The following KIF16B variants were observed in gnomAD, a reference collection of about 807,000 sequenced individuals.
KIF16B encodes the protein kinesin-like protein KIF16B.
In KIF16B, 98 loss-of-function variants were observed where a neutral mutation model predicts 156.3. The observed-to-expected ratio is 0.63, with a 90% CI of 0.53 to 0.74. The LOEUF is 0.74. KIF16B is among the 30% of genes least tolerant of loss of function. The pLI is 0.00. For synonymous variants in KIF16B, 564 were observed against 583.7 expected (o/e 0.97, Z 0.49); for missense variants, 1,421 against 1,606.5 (o/e 0.88, Z 1.97).
chr20:16,442,600 A>G (rs2066833119), intron 12 of KIF16B, among the ~76,000 whole-genome samples: 1 of 152,078 alleles, frequency 6.6e-6, no homozygotes, highest in South Asian at 2.1e-4. Flanking sequence ...AGAAAATAAA[A>G]TATTAAAGCC....
At chr20:16,311,033 T>C (rs890308719) in intron 25 of KIF16B, among the ~76,000 whole-genome samples, 8 of 152,244 alleles carry the variant, frequency 5.3e-5, no homozygotes, top group African/African-American at 1.2e-4. Flanking sequence ...CCTTGTTCAG[T>C]GGCATTAAGT....
At position 16,296,563 on chromosome 20, in the gene KIF16B, T is replaced by G. The variant is rs149729979; in HGVS notation, c.3795+15772A>C. Among the ~76,000 whole-genome samples, 247 of 152,328 alleles carry G rather than the reference T, an allele frequency of 1.6e-3. No individual in the cohort carries two copies. The Middle Eastern group carries it at 0.02, about 13-fold the overall frequency. ...CAGGAAAGAGTTGGAGAATCCCTGT[T>G]ATGTATTTGCCAAGCCTCAAACACC... On this transcript the variant is annotated intron_variant, in intron 25 of 25. Transcript: ENST00000354981.
chr20:16,303,893 T>G (rs1350292632), intron 25 of KIF16B, among the ~76,000 whole-genome samples: 2 of 152,154 alleles, frequency 1.3e-5, no homozygotes. Context: ...ACATTTGAGC[T>G]GAGGGAAGTA....
At position 16,421,754 on chromosome 20, in the gene KIF16B, C is replaced by T. The variant is rs143415221; in HGVS notation, c.1612+5350G>A. ...GCTAATGACATTTACATTCACTGCA[C>T]AGCGTTTTAACACCTTCAAACATAG... On this transcript the variant is annotated intron_variant, in intron 15 of 25. Transcript: ENST00000354981. Among the ~76,000 whole-genome samples the T allele has an allele frequency of 7.1e-3, 1,085 of 152,232 alleles. 11 individuals carry two copies. The highest frequency in any genetic ancestry group is 0.024 in the African/African-American group (1,013 of 41,538).
At chr20:16,276,651 C>G (rs2063065808) in intron 25 of KIF16B, among the ~76,000 whole-genome samples, 1 of 151,868 alleles carries the variant, frequency 6.6e-6, no homozygotes, top group Non-Finnish European at 1.5e-5. Context: ...TGTCCAGAGC[C>G]ACATGCTTCA....
At chr20:16,532,068 C>CAA (rs34843252) in intron 1 of KIF16B, among the ~76,000 whole-genome samples, 11,154 of 99,146 alleles carry the variant, frequency 0.11, 677 homozygotes, top group South Asian at 0.18. Flanking sequence ...AACTCCGTCT[C>CAA]AAAAAAAAAA....
At chr20:16,516,174 G>A (rs6111166) in intron 3 of KIF16B, among the ~76,000 whole-genome samples, 3,744 of 152,206 alleles carry the variant, frequency 0.025, 144 homozygotes, top group African/African-American at 0.086. Flanking sequence ...AGTGACGGGT[G>A]GCTGTAGATG....
Position 16,379,827 on chromosome 20 carries a change from C to A in KIF16B, c.2175G>T (p.Gln725His), listed in dbSNP as rs770330748. Residue 725 changes from glutamine to histidine, a missense_variant, in exon 19 of 26, where the codon CAG becomes CAT. Physicochemically the swap from Gln to His is conservative, Grantham distance 24. Transcript: ENST00000354981. ...GGAGCTGGTCCAGTTCTTGAAATAT[C>A]TGAAACTTCTCAGCCTTCTCGTTGT... ...LNNNEKAEKF[Q>H]IFQELDQLQK... 1 of 1,614,236 alleles carries A rather than the reference C, an allele frequency of 6.2e-7. No homozygotes were observed. The highest frequency in any genetic ancestry group is 8.5e-7 in the Non-Finnish European group (1 of 1,180,054).
intron 12 of KIF16B, among the ~76,000 whole-genome samples, chr20:16,437,551 T>C (rs2066675370): frequency 6.6e-6 from 1 of 152,194 alleles, no homozygotes; most frequent in Admixed American, 6.5e-5. Context: ...GACAGGTATG[T>C]GGATTCTATG....
chr20:16,527,346 G>C (rs1323250495), intron 2 of KIF16B, among the ~76,000 whole-genome samples: 2 of 152,158 alleles, frequency 1.3e-5, no homozygotes, highest in Admixed American at 1.3e-4. Flanking sequence ...GCATTTCCCA[G>C]CTTCTACCAT....
intron 12 of KIF16B, among the ~76,000 whole-genome samples, chr20:16,442,216 G>A (rs1051927562): frequency 1.3e-5 from 2 of 152,074 alleles, no homozygotes; most frequent in Admixed American, 1.3e-4. Flanking sequence ...TATACTTAAT[G>A]ATGATATATT....
At chr20:16,310,659 G>T (rs1441767237) in intron 25 of KIF16B, among the ~76,000 whole-genome samples, 2 of 152,146 alleles carry the variant, frequency 1.3e-5, no homozygotes. Context: ...ATCATCCCTA[G>T]TTCTACTGTA....
chr20:16,554,951 C>T (rs534347338), intron 1 of KIF16B, among the ~76,000 whole-genome samples: 154 of 152,352 alleles, frequency 1.0e-3, no homozygotes, highest in African/African-American at 3.5e-3. Context: ...ACCCCACACT[C>T]GCTCACACAC....
At chr20:16,558,688 G>C (rs2070943844) in intron 1 of KIF16B, among the ~76,000 whole-genome samples, 2 of 152,312 alleles carry the variant, frequency 1.3e-5, no homozygotes, top group East Asian at 1.9e-4. Flanking sequence ...GGATTCACTT[G>C]AGGCCAGGAG....
At chr20:16,462,325 C>G (rs1437518386) in intron 12 of KIF16B, among the ~76,000 whole-genome samples, 1 of 152,180 alleles carries the variant, frequency 6.6e-6, no homozygotes, top group Non-Finnish European at 1.5e-5. Context: ...GCAATCCTCA[C>G]CCGGTTCTCT....
chr20:16,273,001 T>G lies in KIF16B; in HGVS notation c.*252A>C, dbSNP rs1055814582. On this transcript the variant is annotated 3_prime_UTR_variant, in exon 26 of 26. Coordinates refer to ENST00000354981, the MANE Select transcript of KIF16B (RefSeq NM_024704.5). The stretch of plus-strand genomic sequence containing the variant: ...GCTGCGCAGTGAGAAGGAAGCACTG[T>G]GGGAAAAGGCCACGTTCAACCGCAA... The G allele has an allele frequency of 2.3e-6, 1 of 439,016 alleles. No individual in the cohort carries two copies. The highest frequency in any genetic ancestry group is 2.0e-5 in the African/African-American group (1 of 50,024). The allele number at this position is 439,016 out of a possible 1,614,324, so 27.2% of individuals were successfully genotyped here. A position where few individuals can be genotyped will look rare whatever the true frequency, so the allele number is the denominator to read the frequency against.
chr20:16,513,735 C>T (rs1320304030), intron 4 of KIF16B, among the ~76,000 whole-genome samples: 3 of 150,784 alleles, frequency 2.0e-5, no homozygotes, highest in African/African-American at 7.3e-5. Flanking sequence ...TGGCCTTCCT[C>T]GATGGAAAAT....
At chr20:16,470,551 C>T (rs961524514) in intron 12 of KIF16B, among the ~76,000 whole-genome samples, 1 of 152,062 alleles carries the variant, frequency 6.6e-6, no homozygotes, top group African/African-American at 2.4e-5. Context: ...TGGTTGATCA[C>T]AGCTCACTGC....
chr20:16,434,785 T>C (rs927967997), intron 12 of KIF16B, among the ~76,000 whole-genome samples: 12 of 152,164 alleles, frequency 7.9e-5, no homozygotes, highest in African/African-American at 2.4e-5. Flanking sequence ...TGTGAAAATT[T>C]ATGTTACAGA....
Sources: gnomAD v4.1 joint callset for allele counts (sites outside exome capture counted in the v4.1 genomes callset) on GRCh38, gnomAD v4.1.1 for gene constraint, MANE v1.5 for transcripts, NCBI Gene and HGNC (gene_info 2026-07-23, HGNC 2026-07-21) for gene names.